Variants in CTNNA2 observed in about 807,000 individuals in gnomAD.
CTNNA2 encodes the protein catenin alpha-2.
CTNNA2 carries 42 observed loss-of-function variants against 101.0 expected under a neutral mutation model. The ratio of observed to expected loss-of-function variants is 0.42; its 90% confidence interval spans 0.32 to 0.54. The LOEUF (loss-of-function observed/expected upper bound fraction) is 0.54, where lower values mean the gene tolerates loss of function less well. Ranked by LOEUF, CTNNA2 falls within the 20% of genes least tolerant of loss-of-function variation. CTNNA2 has a pLI of 0.14. For missense variants in CTNNA2, 871 were observed against 1,223.1 expected, an observed-to-expected ratio of 0.71 and a Z score of 4.29; for synonymous variants, 450 against 456.4, an observed-to-expected ratio of 0.99 and a Z score of 0.18.
At chr2:79,925,276 T>C (rs1686949035) in intron 7 of CTNNA2, among the ~76,000 whole-genome samples, 1 of 152,264 alleles carries the variant, frequency 6.6e-6, no homozygotes, top group East Asian at 1.9e-4. Flanking sequence ...TTAGAACTTT[T>C]ATTAGGTATG....
intron 7 of CTNNA2, among the ~76,000 whole-genome samples, chr2:79,974,880 A>T (rs1314610200): frequency 2.0e-5 from 3 of 152,132 alleles, no homozygotes; most frequent in Non-Finnish European, 4.4e-5. Flanking sequence ...ACTGAGCTTG[A>T]GGTCTTAGAT....
At position 80,601,417 on chromosome 2, in the gene CTNNA2, C is replaced by CTTTTTTTTTTTTTTTTTTTTTT. The variant is rs375645223; in HGVS notation, c.2190-2654_2190-2653insTTTTTTTTTTTTTTTTTTTTTT. Reference sequence around the variant, plus strand: ...GATTTAATGACTTTTTTCTTTCTTTCTTTCTTTTTTTTTTTTTTTGATGAG... The same window carrying CTTTTTTTTTTTTTTTTTTTTTT: ...GATTTAATGACTTTTTTCTTTCTTTCTTTTTTTTTTTTTTTTTTTTTTTTTCTTTTTTTTTTTTTTTGATGAG... On this transcript the variant is annotated intron_variant, in intron 15 of 18. Coordinates refer to ENST00000402739, the MANE Select transcript of CTNNA2 (RefSeq NM_001282597.3). 1.9e-4 allele frequency among the ~76,000 whole-genome samples: 18 copies of CTTTTTTTTTTTTTTTTTTTTTT among 94,194 alleles called. 1 individual carries two copies. The highest frequency in any genetic ancestry group is 3.9e-4 in the African/African-American group (10 of 25,752). The allele number at this position is 94,194 out of a possible 152,430, so 61.8% of individuals were successfully genotyped here.
chr2:80,182,155 A>C (rs1178150051), intron 7 of CTNNA2, among the ~76,000 whole-genome samples: 3 of 152,156 alleles, frequency 2.0e-5, no homozygotes, highest in Admixed American at 6.5e-5. Flanking sequence ...AAAACCTCAA[A>C]AGTAGGGAAG....
chr2:80,487,195 C>T (rs953899967), intron 9 of CTNNA2, among the ~76,000 whole-genome samples: 7 of 150,722 alleles, frequency 4.6e-5, no homozygotes, highest in Middle Eastern at 3.4e-3. Context: ...TCAGGAGAAT[C>T]GCTTGAACCC....
intron 2 of CTNNA2, among the ~76,000 whole-genome samples, chr2:79,228,126 C>A (rs1470209883): frequency 6.6e-6 from 1 of 152,136 alleles, no homozygotes; most frequent in East Asian, 1.9e-4. Context: ...TTTATAAGTA[C>A]CAAGTACCAC....
In CTNNA2 at chr2:80,343,512, G is replaced by A. The variant is rs557929153; in HGVS notation, c.1057-49699G>A. The stretch of plus-strand genomic sequence containing the variant: ...AATTGGGAAGTTTTATTATCCTCTG[G>A]TTTTGTGTCATTTACTTCTGTAACA... On this transcript the variant is annotated intron_variant, in intron 7 of 18. Coordinates refer to ENST00000402739, the MANE Select transcript of CTNNA2 (RefSeq NM_001282597.3). Among the ~76,000 whole-genome samples, 17 of 151,978 alleles carry A rather than the reference G, an allele frequency of 1.1e-4. No homozygotes were observed. The South Asian group carries it at 3.5e-3, about 32-fold the overall frequency.
At chr2:80,300,281 G>GTGT (rs1676144755) in intron 7 of CTNNA2, among the ~76,000 whole-genome samples, 79 of 93,162 alleles carry the variant, frequency 8.5e-4, no homozygotes, top group Admixed American at 1.5e-3. Flanking sequence ...GGGGTGTTGG[G>GTGT]GTGTGTGTGT....
In CTNNA2 at chr2:79,243,029, C is replaced by CACACAT. The variant is rs1369431500; in HGVS notation, c.-406+44953_-406+44954insACACAT. 2.0e-3 allele frequency among the ~76,000 whole-genome samples: 292 copies of CACACAT among 149,584 alleles called. 1 individual carries two copies. The highest frequency in any genetic ancestry group is 6.9e-3 in the African/African-American group (282 of 40,600). ...ACACACACACACACACACACACACA[C>CACACAT]GTTAATATTCATGATAAAACAGACG... On this transcript the variant is annotated intron_variant, in intron 2 of 21. Coordinates refer to the CTNNA2 transcript ENST00000466387.
intron 2 of CTNNA2, among the ~76,000 whole-genome samples, chr2:79,275,772 T>A (rs554655614): frequency 1.3e-5 from 2 of 152,130 alleles, no homozygotes; most frequent in South Asian, 2.1e-4. Flanking sequence ...ATCGCATTCC[T>A]CCTATGCATT....
chr2:80,231,138 A>T (rs1392930602), intron 7 of CTNNA2, among the ~76,000 whole-genome samples: 2 of 151,874 alleles, frequency 1.3e-5, no homozygotes, highest in Admixed American at 1.3e-4. Flanking sequence ...TCCCCCGCTA[A>T]TTTTTTTGTA....
intron 2 of CTNNA2, among the ~76,000 whole-genome samples, chr2:79,308,514 C>T (rs1247353676): frequency 1.3e-5 from 2 of 152,052 alleles, no homozygotes; most frequent in Non-Finnish European, 2.9e-5. Context: ...TTGATATATT[C>T]CCATTTGTTT....
intron 2 of CTNNA2, among the ~76,000 whole-genome samples, chr2:79,730,640 C>T (rs973178747): frequency 6.6e-6 from 1 of 151,920 alleles, no homozygotes; most frequent in African/African-American, 2.4e-5. Context: ...GAATCTAAAG[C>T]TCCTTTTCAT....
At chr2:79,665,340 T>G (rs1013115180) in intron 2 of CTNNA2, among the ~76,000 whole-genome samples, 1 of 152,200 alleles carries the variant, frequency 6.6e-6, no homozygotes, top group Non-Finnish European at 1.5e-5. Context: ...GAAATGTGCA[T>G]GTATGTGCAT....
chr2:80,611,587 A>C (rs1028524585), intron 17 of CTNNA2, among the ~76,000 whole-genome samples: 24 of 151,592 alleles, frequency 1.6e-4, no homozygotes, highest in Admixed American at 2.6e-4. Context: ...TAGGTTTCAC[A>C]GGGTTTAATC....
chr2:80,444,500 A>G (rs1275514485), intron 9 of CTNNA2, among the ~76,000 whole-genome samples: 1 of 152,128 alleles, frequency 6.6e-6, no homozygotes, highest in Non-Finnish European at 1.5e-5. Context: ...AGGCCAGATA[A>G]CCCTTTCTCC....
intron 7 of CTNNA2, among the ~76,000 whole-genome samples, chr2:80,373,834 T>A (rs1012595437): frequency 2.4e-4 from 36 of 152,022 alleles, no homozygotes; most frequent in African/African-American, 8.7e-4. Flanking sequence ...TTGACGTGAG[T>A]CTTGTGCTGT....
At chr2:80,291,449 G>A (rs1203577005) in intron 7 of CTNNA2, among the ~76,000 whole-genome samples, 1 of 152,192 alleles carries the variant, frequency 6.6e-6, no homozygotes, top group African/African-American at 2.4e-5. Flanking sequence ...TCTTGATACA[G>A]GACCTCCTCT....
intron 4 of CTNNA2, among the ~76,000 whole-genome samples, chr2:79,451,354 T>G (rs1181868743): frequency 6.6e-6 from 1 of 152,070 alleles, no homozygotes; most frequent in Non-Finnish European, 1.5e-5. Flanking sequence ...CCACTATAAA[T>G]TCAGATACGT....
chr2:79,383,614 A>C (rs1336041737), intron 4 of CTNNA2, among the ~76,000 whole-genome samples: 1 of 152,160 alleles, frequency 6.6e-6, no homozygotes, highest in African/African-American at 2.4e-5. Flanking sequence ...GCAGATGTTA[A>C]AAAACCCATT....
Sources: allele counts gnomAD v4.1 joint callset (sites outside exome capture counted in the v4.1 genomes callset), GRCh38; gene constraint gnomAD v4.1.1; transcripts MANE v1.5; gene names NCBI Gene and HGNC (gene_info 2026-07-23, HGNC 2026-07-21).